Variants in DOCK3 observed in about 807,000 individuals in gnomAD.
The protein encoded by DOCK3 is dedicator of cytokinesis 3, also known as dedicator of cytokinesis protein 3.
Under a neutral mutation model 265.6 loss-of-function variants are expected in DOCK3, and 60 were observed. That is an observed-to-expected ratio of 0.23 (90% CI 0.18 to 0.28). The LOEUF (loss-of-function observed/expected upper bound fraction) is 0.28. Among genes scored for constraint, DOCK3 ranks in the 10% least tolerant of loss-of-function variants. The pLI is 1.00. For missense variants in DOCK3, 1,981 were observed against 2,594.3 expected (o/e 0.76, Z 5.14); for synonymous variants, 881 against 938.0 (o/e 0.94, Z 1.11).
chr3:51,244,546 A>G (rs977539907), intron 21 of DOCK3, among the ~76,000 whole-genome samples: 2 of 152,096 alleles, frequency 1.3e-5, no homozygotes, highest in African/African-American at 2.4e-5. Context: ...CTGCAACTTT[A>G]CTGAATTTAT....
At chr3:51,053,794 G>A (rs575734977) in intron 5 of DOCK3, among the ~76,000 whole-genome samples, 151 of 152,040 alleles carry the variant, frequency 9.9e-4, no homozygotes, top group African/African-American at 3.5e-3. Context: ...GTGAATTAAG[G>A]TTACATTTCC....
chr3:50,782,391 C>T (rs950571619), intron 2 of DOCK3, among the ~76,000 whole-genome samples: 1 of 142,964 alleles, frequency 7.0e-6, no homozygotes, highest in African/African-American at 2.6e-5. Context: ...CCCGGGTTCA[C>T]GCCATTCTCC....
chr3:50,820,207 C>T (rs1001196722), intron 2 of DOCK3, among the ~76,000 whole-genome samples: 1 of 152,216 alleles, frequency 6.6e-6, no homozygotes, highest in East Asian at 1.9e-4. Flanking sequence ...AATAAACTTG[C>T]TTTCACTTTA....
intron 22 of DOCK3, among the ~76,000 whole-genome samples, chr3:51,251,117 G>C (rs1201425495): frequency 6.6e-6 from 1 of 152,154 alleles, no homozygotes; most frequent in Non-Finnish European, 1.5e-5. Context: ...AGAACATGTG[G>C]TGTTTGGTTT....
chr3:51,200,443 G>GAAATGAATT (rs2088650752), intron 12 of DOCK3, among the ~76,000 whole-genome samples: 1 of 30,580 alleles, frequency 3.3e-5, no homozygotes. Flanking sequence ...GATGGAAGAT[G>GAAATGAATT]AAATGAAGCG....
At chr3:50,886,521 T>C (rs1200744338) in intron 3 of DOCK3, among the ~76,000 whole-genome samples, 2 of 151,086 alleles carry the variant, frequency 1.3e-5, no homozygotes, top group Non-Finnish European at 3.0e-5. Flanking sequence ...ACTGGTCATC[T>C]AGCATTAGGT....
At chr3:50,721,615 T>C (rs2037478408) in intron 1 of DOCK3, among the ~76,000 whole-genome samples, 1 of 152,164 alleles carries the variant, frequency 6.6e-6, no homozygotes, top group Middle Eastern at 3.2e-3. Context: ...TTTGAAGGTT[T>C]GAAGTCAGGT....
chr3:50,702,476 G>T (rs1163258619), intron 1 of DOCK3, among the ~76,000 whole-genome samples: 1 of 152,070 alleles, frequency 6.6e-6, no homozygotes, highest in East Asian at 1.9e-4. Flanking sequence ...CGATTCTCCT[G>T]CCTCAGCCTC....
At chr3:51,092,031 G>T (rs1255586213) in intron 9 of DOCK3, among the ~76,000 whole-genome samples, 5 of 152,166 alleles carry the variant, frequency 3.3e-5, no homozygotes, top group African/African-American at 1.2e-4. Context: ...GATTCCCTCT[G>T]GTGCCTAACA....
intron 16 of DOCK3, 144 bp downstream of exon 16, chr3:51,227,589 C>A: frequency 7.9e-7 from 1 of 1,261,562 alleles, no homozygotes; most frequent in Non-Finnish European, 1.1e-6. Context: ...GGGATGTCAC[C>A]AGAGGCTGTT....
chr3:50,978,068 A>G (rs1446118300), intron 5 of DOCK3, among the ~76,000 whole-genome samples: 1 of 151,834 alleles, frequency 6.6e-6, no homozygotes, highest in Non-Finnish European at 1.5e-5. Context: ...AAAGTTTTCA[A>G]CTTCTTTGCC....
intron 3 of DOCK3, among the ~76,000 whole-genome samples, chr3:50,887,171 TA>T (rs1190183253): frequency 6.6e-6 from 1 of 151,848 alleles, no homozygotes; most frequent in African/African-American, 2.4e-5. Flanking sequence ...TAAAAAATGA[TA>T]AAGGGGATAT....
intron 5 of DOCK3, among the ~76,000 whole-genome samples, chr3:50,975,084 A>C (rs1483638058): frequency 6.6e-6 from 1 of 151,526 alleles, no homozygotes; most frequent in Non-Finnish European, 1.5e-5. Flanking sequence ...TGTCATCTGC[A>C]AACAGGGACA....
At chr3:50,869,831 T>G (rs372457759) in intron 3 of DOCK3, among the ~76,000 whole-genome samples, 1 of 152,204 alleles carries the variant, frequency 6.6e-6, no homozygotes, top group Non-Finnish European at 1.5e-5. Context: ...TTTTGCTGTA[T>G]TTTTCTTTCC....
At chr3:51,263,980 A>G (rs1294545453) in intron 23 of DOCK3, among the ~76,000 whole-genome samples, 1 of 152,160 alleles carries the variant, frequency 6.6e-6, no homozygotes, top group Admixed American at 6.6e-5. Flanking sequence ...AGACTTTAAC[A>G]TCCCACTCTC....
chr3:51,059,455 CCACA>C (rs57596003), intron 5 of DOCK3, among the ~76,000 whole-genome samples: 17,760 of 140,308 alleles, frequency 0.13, 1,432 homozygotes, highest in East Asian at 0.31. Flanking sequence ...AGAAAAAAAA[CCACA>C]CACACACACA....
chr3:50,694,279 T>TA (rs373461281), intron 1 of DOCK3, among the ~76,000 whole-genome samples: 3,063 of 146,890 alleles, frequency 0.021, 119 homozygotes, highest in African/African-American at 0.073. Context: ...CCAAAAAAAC[T>TA]AAAAAAAAAA....
intron 5 of DOCK3, among the ~76,000 whole-genome samples, chr3:51,006,968 G>A (rs919730632): frequency 8.5e-5 from 13 of 152,088 alleles, no homozygotes; most frequent in Non-Finnish European, 2.9e-5. Context: ...CTTTTTTATG[G>A]CTGTGTAGTA....
At chr3:51,029,521 A>G (rs550247130) in intron 5 of DOCK3, among the ~76,000 whole-genome samples, 1 of 152,264 alleles carries the variant, frequency 6.6e-6, no homozygotes, top group Admixed American at 6.5e-5. Context: ...TGGGGAGGGG[A>G]ACAGGGGGAA....
Sources: allele counts gnomAD v4.1 joint callset (sites outside exome capture counted in the v4.1 genomes callset), GRCh38; gene constraint gnomAD v4.1.1; transcripts MANE v1.5; gene names NCBI Gene and HGNC (gene_info 2026-07-23, HGNC 2026-07-21).